The following PTCD2 variants were observed in gnomAD, a reference collection of about 807,000 sequenced individuals.
PTCD2 encodes pentatricopeptide repeat-containing protein 2, mitochondrial.
A neutral mutation model predicts 42.6 loss-of-function variants in PTCD2; 31 were observed. The ratio of observed to expected loss-of-function variants is 0.73; its 90% CI spans 0.55 to 0.98. PTCD2 has a LOEUF of 0.98. Ranked by LOEUF, PTCD2 falls within the 50% of genes least tolerant of loss-of-function variation. The pLI, the probability that PTCD2 is intolerant of heterozygous loss-of-function variation, is 0.00. For missense variants in PTCD2, 476 were observed against 454.8 expected (o/e 1.05, Z -0.42); for synonymous variants, 183 against 170.9 (o/e 1.07, Z -0.55).
chr5:72,353,965 A>G (rs576379467), intron 9 of PTCD2, among the ~76,000 whole-genome samples: 4 of 152,344 alleles, frequency 2.6e-5, no homozygotes, highest in East Asian at 1.9e-4. Flanking sequence ...CAAAATCCAA[A>G]TCAGTAAAAG....
In PTCD2 at chr5:72,335,775, C is replaced by T; in HGVS notation, c.548-19C>T. ...GTAGAGGAACTCTAACACTGCGATC[C>T]ACTCTTCACTTTTGGCAGGTGCTTT... On this transcript the variant is annotated intron_variant, in intron 5 of 9. Coordinates refer to ENST00000380639, the MANE Select transcript of PTCD2 (RefSeq NM_024754.5). 1 of 1,564,206 alleles carries T rather than the reference C, an allele frequency of 6.4e-7. No homozygotes were observed. The highest frequency in any genetic ancestry group is 8.8e-7 in the Non-Finnish European group (1 of 1,134,628).
chr5:72,339,294 C>A (rs952793460), intron 7 of PTCD2, among the ~76,000 whole-genome samples: 3 of 152,170 alleles, frequency 2.0e-5, no homozygotes, highest in African/African-American at 7.2e-5. Flanking sequence ...CCTGGAACAC[C>A]ATCTCTCTGG....
At chr5:72,337,428 T>C (rs1171063531) in intron 6 of PTCD2, among the ~76,000 whole-genome samples, 1 of 151,924 alleles carries the variant, frequency 6.6e-6, no homozygotes, top group African/African-American at 2.4e-5. Flanking sequence ...TTATTCAGCA[T>C]TGAAATTCCC....
rs113078270 is a variant in PTCD2 at position 72,366,000 on chromosome 5, G to C, written c.*7573G>C. On this transcript the variant is annotated 3_prime_UTR_variant, in exon 10 of 10. Coordinates refer to ENST00000380639, the MANE Select transcript of PTCD2 (RefSeq NM_024754.5). ...AGGCCGAGGCAGGCAGATCACCTGA[G>C]GTCAGGGGTTCTAGACCAGCCTGGC... 9,593 of 152,266 alleles carry C rather than the reference G, an allele frequency of 0.063. 557 individuals carry two copies. Among genetic ancestry groups the C allele is most frequent in the African/African-American group, 0.15 (6,370 of 41,490 alleles). 9.4% of individuals were successfully genotyped at this position (152,266 alleles called of 1,614,324 possible). A position where few individuals can be genotyped will look rare whatever the true frequency, so the allele number is the denominator to read the frequency against.
At chr5:72,352,953 A>G (rs1399121033) in intron 9 of PTCD2, among the ~76,000 whole-genome samples, 199 bp downstream of exon 9, 1 of 152,142 alleles carries the variant, frequency 6.6e-6, no homozygotes. Context: ...CTGAAATTCT[A>G]GGAAACTTTT....
chr5:72,363,962 G>A lies in PTCD2; in HGVS notation c.*5535G>A, dbSNP rs754765907. The A allele has an allele frequency of 3.3e-5, 5 of 151,986 alleles. No individual in the cohort carries two copies. Among genetic ancestry groups the A allele is most frequent in the Non-Finnish European group, 5.9e-5 (4 of 68,018 alleles). 9.4% of individuals were successfully genotyped at this position (151,986 alleles called of 1,614,324 possible). A position where few individuals can be genotyped will look rare whatever the true frequency, so the allele number is the denominator to read the frequency against. ...AACTAGCCATAAAAAAGATTACAGC[G>A]GCAAAAGCTATCATCAGTAATATTT... On this transcript the variant is annotated 3_prime_UTR_variant, in exon 10 of 10. Coordinates refer to ENST00000380639, the MANE Select transcript of PTCD2 (RefSeq NM_024754.5).
chr5:72,352,159 A>AT (rs1328796195), intron 8 of PTCD2, among the ~76,000 whole-genome samples: 6 of 151,960 alleles, frequency 3.9e-5, no homozygotes, highest in South Asian at 2.1e-4. Flanking sequence ...ATTTTATTTT[A>AT]TTTTTTTGAG....
At chr5:72,329,891 A>T (rs1338333018) in intron 3 of PTCD2, among the ~76,000 whole-genome samples, 1 of 152,086 alleles carries the variant, frequency 6.6e-6, no homozygotes, top group Non-Finnish European at 1.5e-5. Flanking sequence ...CCAAAAACTT[A>T]ATTTATAAGT....
At chr5:72,322,932 T>C (rs2112116748) in intron 2 of PTCD2, among the ~76,000 whole-genome samples, 1 of 152,288 alleles carries the variant, frequency 6.6e-6, no homozygotes, top group South Asian at 2.1e-4. Flanking sequence ...GGCAGGAGGA[T>C]TGCTTGAGCC....
chr5:72,334,033 A>T (rs939887244), intron 4 of PTCD2, among the ~76,000 whole-genome samples: 5 of 151,720 alleles, frequency 3.3e-5, no homozygotes, highest in Admixed American at 1.3e-4. Flanking sequence ...AATTTTTTAA[A>T]TTTTTATTAT....
At chr5:72,326,572 T>C in intron 2 of PTCD2, 40 bp from the exon 3 acceptor site, 1 of 1,610,946 alleles carries the variant, frequency 6.2e-7, no homozygotes, top group South Asian at 1.1e-5. Flanking sequence ...ATACTCTCAG[T>C]CAGCCTGAGT....
rs575441837 is a variant in PTCD2, at chr5:72,324,546, C to T, written c.221-2066C>T. Among the ~76,000 whole-genome samples the T allele has an allele frequency of 2.6e-5, 4 of 152,272 alleles. No homozygotes were observed. The East Asian group carries it at 7.7e-4, about 29-fold the overall frequency. On this transcript the variant is annotated intron_variant, in intron 2 of 9. Coordinates refer to ENST00000380639, the MANE Select transcript of PTCD2 (RefSeq NM_024754.5). ...TCCATTTCTCCAACCTGATTTCAGCCCTTTCCTTTCTCACTGGTACCCCTC... is the reference window on the plus strand; with the variant it reads ...TCCATTTCTCCAACCTGATTTCAGCTCTTTCCTTTCTCACTGGTACCCCTC...
Position 72,346,216 on chromosome 5 carries a change from A to C in PTCD2, c.828+3180A>C, listed in dbSNP as rs190256312. Among the ~76,000 whole-genome samples the C allele has an allele frequency of 5.6e-4, 85 of 152,358 alleles. 1 individual carries two copies. The highest frequency in any genetic ancestry group is 1.2e-3 in the Admixed American group (18 of 15,304). On this transcript the variant is annotated intron_variant, in intron 8 of 9. Transcript: ENST00000380639. Reference sequence around the variant, plus strand: ...GAAATGGGTTTGTAATGGAAGAAACAAAATACTAGAAAAATATCGACAGAG... The same window carrying C: ...GAAATGGGTTTGTAATGGAAGAAACCAAATACTAGAAAAATATCGACAGAG...
intron 6 of PTCD2, among the ~76,000 whole-genome samples, chr5:72,336,502 G>A (rs1416979610): frequency 2.0e-5 from 3 of 152,084 alleles, no homozygotes; most frequent in Non-Finnish European, 4.4e-5. Flanking sequence ...TATGTGACAT[G>A]AAAATGAAGT....
intron 9 of PTCD2, among the ~76,000 whole-genome samples, chr5:72,356,694 A>G (rs1480289332): frequency 3.3e-5 from 5 of 152,226 alleles, no homozygotes; most frequent in Non-Finnish European, 5.9e-5. Flanking sequence ...CCAGCTTGGC[A>G]TGTTTGCTCT....
chr5:72,338,232 CA>C (rs1220190406), intron 6 of PTCD2, among the ~76,000 whole-genome samples: 1 of 152,112 alleles, frequency 6.6e-6, no homozygotes, highest in Non-Finnish European at 1.5e-5. Context: ...GGAAATCCCC[CA>C]GAAAAAGTTT....
At chr5:72,354,180 C>T (rs1042793556) in intron 9 of PTCD2, among the ~76,000 whole-genome samples, 1 of 151,728 alleles carries the variant, frequency 6.6e-6, no homozygotes, top group Non-Finnish European at 1.5e-5. Flanking sequence ...CTGAGGCAGG[C>T]GGATCATGAG....
Position 72,358,379 on chromosome 5 carries a change from C to A in PTCD2, c.1119C>A (p.Val373=). The A allele has an allele frequency of 6.2e-7, 1 of 1,613,858 alleles. No homozygotes were observed. Among genetic ancestry groups the A allele is most frequent in the South Asian group, 1.1e-5 (1 of 91,066 alleles). The change falls in exon 10 of 10, where the codon GTC becomes GTA. Residue 373 remains valine, a synonymous_variant. Transcript: ENST00000380639. ...CGTTGCTATTAAACAAGAGGATGGT[C>A]AGCCGTCGCACCTTCCAGCCACTCA... ...SHTLLLNKRM[V]SRRTFQPLSQ... is the part of the protein sequence containing the mutation.
rs1753200433 is a variant in PTCD2, at chr5:72,366,158, G to A, written c.*7731G>A. ...TTGAACCTGGGAGACGGAGGTTACAGTGAGCCTAGACTGCGCCATTGCACT... is the reference window on the plus strand; with the variant it reads ...TTGAACCTGGGAGACGGAGGTTACAATGAGCCTAGACTGCGCCATTGCACT... On this transcript the variant is annotated 3_prime_UTR_variant, in exon 10 of 10. Coordinates refer to ENST00000380639, the MANE Select transcript of PTCD2 (RefSeq NM_024754.5). The A allele has an allele frequency of 6.6e-6, 1 of 152,198 alleles. No individual in the cohort carries two copies. Among genetic ancestry groups the A allele is most frequent in the South Asian group, 2.1e-4 (1 of 4,828 alleles). The allele number at this position is 152,198 out of a possible 1,614,324, so 9.4% of individuals were successfully genotyped here.
Sources: gnomAD v4.1 joint callset for allele counts (sites outside exome capture counted in the v4.1 genomes callset) on GRCh38, gnomAD v4.1.1 for gene constraint, MANE v1.5 for transcripts, NCBI Gene and HGNC (gene_info 2026-07-23, HGNC 2026-07-21) for gene names.